Variants in REDIC1 observed in about 807,000 individuals in gnomAD.
The protein encoded by REDIC1 is HEI10 Interacting Protein 1.
the REDIC1 span, among the ~76,000 whole-genome samples, chr12:39,859,263 AAAAAC>A: frequency 1.4e-5 from 2 of 145,232 alleles, no homozygotes; most frequent in Admixed American, 1.4e-4. Context: ...TCAAGAAGCA[AAAAAC>A]AAAACAAAAC....
the REDIC1 span, among the ~76,000 whole-genome samples, chr12:39,803,400 A>G: frequency 2.0e-5 from 3 of 152,176 alleles, no homozygotes; most frequent in Non-Finnish European, 2.9e-5. Flanking sequence ...CCACAGGCAC[A>G]TTAAACTTTA....
chr12:39,877,156 T>C, the REDIC1 span, among the ~76,000 whole-genome samples: 1 of 152,184 alleles, frequency 6.6e-6, no homozygotes, highest in Non-Finnish European at 1.5e-5. Flanking sequence ...ACTCTATTAG[T>C]CTGCTCTTAT....
At chr12:39,872,412 G>C in the REDIC1 span, among the ~76,000 whole-genome samples, 1 of 152,152 alleles carries the variant, frequency 6.6e-6, no homozygotes, top group African/African-American at 2.4e-5. Context: ...TAAAAATCTG[G>C]GACAAGTGAA....
At chr12:39,841,133 A>C in the REDIC1 span, among the ~76,000 whole-genome samples, 1 of 152,098 alleles carries the variant, frequency 6.6e-6, no homozygotes, top group Non-Finnish European at 1.5e-5. Flanking sequence ...CTGACTCCTG[A>C]GTTAGATGCA....
chr12:39,731,416 A>G, the REDIC1 span, among the ~76,000 whole-genome samples: 3 of 152,176 alleles, frequency 2.0e-5, no homozygotes, highest in African/African-American at 7.2e-5. Context: ...CCTCTGCTGC[A>G]GGTCTGCTGG....
the REDIC1 span, among the ~76,000 whole-genome samples, chr12:39,797,616 C>T: frequency 5.9e-5 from 9 of 152,182 alleles, no homozygotes; most frequent in African/African-American, 1.9e-4. Context: ...AACTTTTATT[C>T]TGTGAGAATG....
the REDIC1 span, among the ~76,000 whole-genome samples, chr12:39,689,179 G>A: frequency 6.6e-6 from 1 of 152,300 alleles, no homozygotes; most frequent in African/African-American, 2.4e-5. Context: ...GTCTTTCTTT[G>A]ATGGCTAGAT....
the REDIC1 span, among the ~76,000 whole-genome samples, chr12:39,664,914 G>C: frequency 6.6e-6 from 1 of 152,094 alleles, no homozygotes; most frequent in Non-Finnish European, 1.5e-5. Flanking sequence ...CCCCCTTTTT[G>C]ATGCGGTTGT....
At chr12:39,721,228 C>T in the REDIC1 span, 112 of 1,612,542 alleles carry the variant, frequency 6.9e-5, no homozygotes, top group Non-Finnish European at 9.2e-5. Flanking sequence ...CACTGGAGGG[C>T]AGGAAATCCA....
chr12:39,809,197 G>GT, the REDIC1 span, among the ~76,000 whole-genome samples: 4 of 151,932 alleles, frequency 2.6e-5, no homozygotes, highest in East Asian at 1.9e-4. Flanking sequence ...GATTAATTTG[G>GT]TTTTTTTATT....
chr12:39,839,997 G>A, the REDIC1 span, among the ~76,000 whole-genome samples: 1 of 151,966 alleles, frequency 6.6e-6, no homozygotes, highest in Non-Finnish European at 1.5e-5. Flanking sequence ...TATGTCTCAA[G>A]CATGTATAGT....
the REDIC1 span, among the ~76,000 whole-genome samples, chr12:39,703,740 T>G: frequency 6.6e-6 from 1 of 151,998 alleles, no homozygotes. Context: ...AGATATAGAT[T>G]AGTGGAACAG....
the REDIC1 span, among the ~76,000 whole-genome samples, chr12:39,906,121 C>G: frequency 6.1e-5 from 1 of 16,480 alleles, no homozygotes; most frequent in Non-Finnish European, 1.9e-4. Flanking sequence ...CTAATTCTTG[C>G]AGATACAGAA....
chr12:39,651,494 C>T, the REDIC1 span, among the ~76,000 whole-genome samples: 1 of 152,144 alleles, frequency 6.6e-6, no homozygotes, highest in Non-Finnish European at 1.5e-5. Flanking sequence ...CACCACTATT[C>T]ACTGAGTTGC....
At chr12:39,791,233 A>G in the REDIC1 span, among the ~76,000 whole-genome samples, 1,516 of 147,868 alleles carry the variant, frequency 0.01, 20 homozygotes, top group African/African-American at 0.035. Flanking sequence ...TCAAAATAAT[A>G]AGAGCTATCT....
chr12:39,631,486 G>A, the REDIC1 span, among the ~76,000 whole-genome samples: 73 of 151,952 alleles, frequency 4.8e-4, no homozygotes, highest in Non-Finnish European at 5.7e-4. Context: ...AGAACAGAAT[G>A]CAATTGAAGG....
the REDIC1 span, among the ~76,000 whole-genome samples, chr12:39,893,549 C>T: frequency 3.9e-5 from 6 of 152,318 alleles, no homozygotes; most frequent in East Asian, 1.9e-4. Context: ...ATCTGCCCGC[C>T]TTGGTCTCCC....
the REDIC1 span, among the ~76,000 whole-genome samples, chr12:39,694,429 C>T: frequency 1.2e-5 from 1 of 80,586 alleles, no homozygotes; most frequent in Non-Finnish European, 3.5e-5. Flanking sequence ...ATTCTGTGTA[C>T]TGGGGAGAGG....
At chr12:39,669,911 T>A in the REDIC1 span, among the ~76,000 whole-genome samples, 1 of 152,184 alleles carries the variant, frequency 6.6e-6, no homozygotes, top group Admixed American at 6.5e-5. Context: ...AGCACAGTAT[T>A]AGGGTGGGAG....
Sources: allele counts gnomAD v4.1 joint callset (sites outside exome capture counted in the v4.1 genomes callset), GRCh38; gene constraint gnomAD v4.1.1; transcripts MANE v1.5; gene names NCBI Gene and HGNC (gene_info 2026-07-23, HGNC 2026-07-21).